LRMDA: variants seen among roughly 807,000 people sequenced by gnomAD.
The protein encoded by LRMDA is leucine rich melanocyte differentiation associated, also known as leucine-rich melanocyte differentiation-associated protein.
In LRMDA, 18 loss-of-function variants were observed where a neutral mutation model predicts 29.8. The observed-to-expected ratio is 0.60, with a 90% CI of 0.42 to 0.90. The LOEUF is 0.90. Ranked by LOEUF, LRMDA falls within the 40% of genes least tolerant of loss-of-function variation. The probability of loss-of-function intolerance (pLI) is 0.00; values close to 1 mark genes in which losing one functional copy is unlikely to be tolerated. For synonymous variants in LRMDA, 125 were observed against 109.4 expected (o/e 1.14, Z -0.89); for missense variants, 273 against 273.9 (o/e 1.00, Z 0.02).
At chr10:76,379,324 G>A (rs1441832686) in intron 6 of LRMDA, among the ~76,000 whole-genome samples, 1 of 152,012 alleles carries the variant, frequency 6.6e-6, no homozygotes, top group Non-Finnish European at 1.5e-5. Flanking sequence ...AGAATGTGTG[G>A]TAGAATTCTG....
chr10:75,662,467 T>A (rs1841766750), intron 2 of LRMDA, among the ~76,000 whole-genome samples: 1 of 152,184 alleles, frequency 6.6e-6, no homozygotes, highest in African/African-American at 2.4e-5. Flanking sequence ...TGGGAAGGAA[T>A]TTTATTGAAA....
intron 6 of LRMDA, among the ~76,000 whole-genome samples, chr10:76,382,807 T>C (rs1035463620): frequency 2.6e-5 from 4 of 152,110 alleles, no homozygotes; most frequent in Non-Finnish European, 5.9e-5. Flanking sequence ...CTGCTCCCAC[T>C]CTCCCCCAAG....
chr10:75,775,569 G>T (rs996118852), intron 2 of LRMDA, among the ~76,000 whole-genome samples: 3 of 152,230 alleles, frequency 2.0e-5, no homozygotes, highest in Admixed American at 2.0e-4. Flanking sequence ...CTTAACCACA[G>T]TCAGTATGAT....
intron 2 of LRMDA, among the ~76,000 whole-genome samples, chr10:75,654,825 CT>C (rs1212437598): frequency 6.6e-6 from 1 of 152,210 alleles, no homozygotes; most frequent in African/African-American, 2.4e-5. Flanking sequence ...AAAAGCATGT[CT>C]TTGAGAAGAC....
chr10:75,615,463 T>A (rs1034175591), intron 2 of LRMDA, among the ~76,000 whole-genome samples: 37 of 152,112 alleles, frequency 2.4e-4, no homozygotes, highest in African/African-American at 8.9e-4. Flanking sequence ...TGCTCAAAAA[T>A]TTTTGGATTT....
At chr10:76,315,253 A>C (rs909660575) in intron 5 of LRMDA, among the ~76,000 whole-genome samples, 8 of 152,248 alleles carry the variant, frequency 5.3e-5, no homozygotes, top group Non-Finnish European at 8.8e-5. Context: ...TCAGTGGGGC[A>C]GGAAGGGCTG....
chr10:75,680,627 C>T (rs1345558859), intron 2 of LRMDA, among the ~76,000 whole-genome samples: 1 of 151,894 alleles, frequency 6.6e-6, no homozygotes, highest in Non-Finnish European at 1.5e-5. Context: ...ATGAAATAGG[C>T]TATAAAAGAA....
intron 2 of LRMDA, among the ~76,000 whole-genome samples, chr10:75,515,032 G>A (rs1339460059): frequency 6.6e-6 from 1 of 152,030 alleles, no homozygotes; most frequent in African/African-American, 2.4e-5. Context: ...CCATATAATG[G>A]AATATTATTC....
Position 75,523,832 on chromosome 10 carries a change from T to G in LRMDA, c.131+85338T>G, listed in dbSNP as rs555063740. ...ATCCTTTCTTCTCTCTGCCCCTTCC[T>G]GAGGCACCATTCCCCTCAGTGTCTG... is the stretch of plus-strand genomic sequence containing the variant. On this transcript the variant is annotated intron_variant, in intron 2 of 6. Coordinates refer to ENST00000611255, the MANE Select transcript of LRMDA (RefSeq NM_001305581.2). Among the ~76,000 whole-genome samples the G allele has an allele frequency of 6.1e-3, 932 of 152,288 alleles. 8 individuals carry two copies. Among genetic ancestry groups the G allele is most frequent in the African/African-American group, 0.02 (824 of 41,552 alleles).
intron 5 of LRMDA, among the ~76,000 whole-genome samples, chr10:76,265,006 CA>C: frequency 6.6e-6 from 1 of 152,246 alleles, no homozygotes; most frequent in Non-Finnish European, 1.5e-5. Flanking sequence ...TTAAACATTC[CA>C]ACCATATTAA....
intron 5 of LRMDA, among the ~76,000 whole-genome samples, chr10:76,261,588 A>G (rs118102254): frequency 4.6e-5 from 7 of 152,208 alleles, no homozygotes; most frequent in African/African-American, 1.7e-4. Flanking sequence ...AGGTCATAGT[A>G]TCAAGGAGAT....
intron 5 of LRMDA, among the ~76,000 whole-genome samples, chr10:76,212,452 CT>C (rs970616200): frequency 2.2e-4 from 34 of 151,766 alleles, no homozygotes; most frequent in African/African-American, 6.8e-4. Flanking sequence ...CTGGGCCTCC[CT>C]TTTTTTTGGA....
intron 2 of LRMDA, among the ~76,000 whole-genome samples, chr10:75,889,803 G>A (rs766959574): frequency 1.3e-5 from 2 of 152,212 alleles, no homozygotes; most frequent in African/African-American, 2.4e-5. Context: ...CTCCCCAGCT[G>A]GAGAGACAAG....
At chr10:75,620,180 C>T (rs910321889) in intron 2 of LRMDA, among the ~76,000 whole-genome samples, 1 of 152,170 alleles carries the variant, frequency 6.6e-6, no homozygotes, top group East Asian at 1.9e-4. Flanking sequence ...ATGTTTTCAT[C>T]AGGGAGGCCA....
At chr10:75,836,586 G>GT (rs900605840) in intron 2 of LRMDA, among the ~76,000 whole-genome samples, 1 of 152,084 alleles carries the variant, frequency 6.6e-6, no homozygotes, top group Non-Finnish European at 1.5e-5. Flanking sequence ...TAAATCTTGT[G>GT]TTTTTTTAAA....
intron 6 of LRMDA, among the ~76,000 whole-genome samples, chr10:76,491,394 T>G (rs1248774526): frequency 6.6e-6 from 1 of 152,022 alleles, no homozygotes. Context: ...CTTTTGTTTG[T>G]TTTGGAAAGT....
At chr10:75,567,129 T>C (rs977930334) in intron 2 of LRMDA, among the ~76,000 whole-genome samples, 5 of 151,738 alleles carry the variant, frequency 3.3e-5, no homozygotes, top group African/African-American at 7.3e-5. Context: ...CTCTCTCTCT[T>C]GTCCTCTGCT....
intron 2 of LRMDA, among the ~76,000 whole-genome samples, chr10:75,739,911 GT>G (rs1842809265): frequency 6.6e-6 from 1 of 152,094 alleles, no homozygotes; most frequent in Admixed American, 6.5e-5. Flanking sequence ...TGACAGAGCT[GT>G]TTACAGCATG....
chr10:75,582,861 A>G (rs1427444051), intron 2 of LRMDA, among the ~76,000 whole-genome samples: 6 of 152,214 alleles, frequency 3.9e-5, no homozygotes, highest in Non-Finnish European at 8.8e-5. Flanking sequence ...GCCAGGCCAT[A>G]CTGAACACTT....
Sources: gnomAD v4.1 joint callset for allele counts (sites outside exome capture counted in the v4.1 genomes callset) on GRCh38, gnomAD v4.1.1 for gene constraint, MANE v1.5 for transcripts, NCBI Gene and HGNC (gene_info 2026-07-23, HGNC 2026-07-21) for gene names.